The following CCDC3 variants were observed in gnomAD, a reference collection of about 807,000 sequenced individuals.
CCDC3 encodes coiled-coil domain-containing protein 3.
In CCDC3, 24 loss-of-function variants were observed where a neutral mutation model predicts 21.4. The observed-to-expected ratio is 1.12, with a 90% CI of 0.81 to 1.58. The LOEUF (loss-of-function observed/expected upper bound fraction) is 1.58. CCDC3 is among the 40% of genes most tolerant of loss of function. The pLI is 0.00. For synonymous variants in CCDC3, 186 were observed against 166.0 expected, an observed-to-expected ratio of 1.12 and a Z score of -0.93; for missense variants, 425 against 360.9, an observed-to-expected ratio of 1.18 and a Z score of -1.44.
chr10:13,010,513 C>T lies in CCDC3; in HGVS notation c.-1-12001G>A, dbSNP rs191865274. Among the ~76,000 whole-genome samples the T allele has an allele frequency of 6.6e-5, 10 of 152,326 alleles. No individual in the cohort carries two copies. In the East Asian group the frequency reaches 1.9e-3, roughly 29 times the overall value. ...ATGAAGGAACTGGAACTCTCATGTA[C>T]TGCTGGTGGAAATGTAAATGGTAAA... On this transcript the variant is annotated intron_variant, in intron 5 of 6. Coordinates refer to the CCDC3 transcript ENST00000378839.
chr10:13,093,063 A>C (rs1183260516), intron 3 of CCDC3, among the ~76,000 whole-genome samples: 1 of 142,770 alleles, frequency 7.0e-6, no homozygotes, highest in Non-Finnish European at 1.5e-5. Context: ...CAAAGGAGTT[A>C]CTGACTTTTC....
At chr10:13,037,753 C>T (rs1009841013) in intron 5 of CCDC3, among the ~76,000 whole-genome samples, 15 of 152,158 alleles carry the variant, frequency 9.9e-5, no homozygotes, top group African/African-American at 3.6e-4. Context: ...CCTGAGCTCT[C>T]CCACCAAGGA....
At chr10:12,941,927 C>A (rs2131238925) in intron 2 of CCDC3, among the ~76,000 whole-genome samples, 1 of 152,304 alleles carries the variant, frequency 6.6e-6, no homozygotes, top group African/African-American at 2.4e-5. Context: ...ATGGAGACGG[C>A]CTTGAATCAT....
chr10:13,004,172 G>A (rs370799936), upstream of CCDC3, among the ~76,000 whole-genome samples: 69 of 152,232 alleles, frequency 4.5e-4, 1 homozygote, highest in African/African-American at 1.6e-3. Flanking sequence ...GGATAGTACC[G>A]TATATGTATG....
intron 2 of CCDC3, among the ~76,000 whole-genome samples, chr10:12,924,223 C>CT (rs1435666855): frequency 6.6e-6 from 1 of 152,238 alleles, no homozygotes; most frequent in African/African-American, 2.4e-5. Flanking sequence ...AACTCTGTCT[C>CT]TAAACCACTG....
At chr10:13,042,685 G>A (rs2131419285) in intron 5 of CCDC3, among the ~76,000 whole-genome samples, 1 of 151,582 alleles carries the variant, frequency 6.6e-6, no homozygotes. Context: ...GAGGTGGGCG[G>A]ATCACGAGGT....
chr10:13,002,109 T>G (rs1484357712), upstream of CCDC3, among the ~76,000 whole-genome samples: 1 of 152,202 alleles, frequency 6.6e-6, no homozygotes, highest in East Asian at 1.9e-4. Context: ...TCCCAGAGAT[T>G]AGGAAATTCA....
chr10:12,934,597 A>G (rs558816508), intron 2 of CCDC3, among the ~76,000 whole-genome samples: 1 of 152,266 alleles, frequency 6.6e-6, no homozygotes, highest in Non-Finnish European at 1.5e-5. Flanking sequence ...TTGCAGTTCT[A>G]TCAGTTTTTG....
At chr10:13,052,386 A>G (rs1266229805) in intron 4 of CCDC3, among the ~76,000 whole-genome samples, 1 of 152,100 alleles carries the variant, frequency 6.6e-6, no homozygotes, top group Non-Finnish European at 1.5e-5. Context: ...ATTTAAAAAC[A>G]TCTCCAAGCT....
At chr10:13,025,222 T>C (rs528872840) in intron 5 of CCDC3, among the ~76,000 whole-genome samples, 145 of 152,310 alleles carry the variant, frequency 9.5e-4, no homozygotes, top group African/African-American at 3.3e-3. Context: ...GAGGTTCAAC[T>C]GGAATTGGCG....
chr10:13,086,163 C>T (rs927442222), intron 3 of CCDC3, among the ~76,000 whole-genome samples: 9 of 151,978 alleles, frequency 5.9e-5, no homozygotes, highest in Non-Finnish European at 1.0e-4. Flanking sequence ...GGAAAGATGG[C>T]GCATATGAGA....
At chr10:12,998,884 T>C (rs552282587) in intron 1 of CCDC3, among the ~76,000 whole-genome samples, 1 of 152,294 alleles carries the variant, frequency 6.6e-6, no homozygotes, top group African/African-American at 2.4e-5. Flanking sequence ...CTATTTATCT[T>C]CTGTATGACA....
intron 5 of CCDC3, among the ~76,000 whole-genome samples, chr10:13,029,087 G>C (rs1836264089): frequency 6.6e-6 from 1 of 152,154 alleles, no homozygotes. Flanking sequence ...GAGAGTGACA[G>C]GATGCCAGCC....
chr10:12,986,657 C>T (rs970600530), intron 2 of CCDC3, among the ~76,000 whole-genome samples: 8 of 151,910 alleles, frequency 5.3e-5, no homozygotes, highest in South Asian at 2.1e-4. Flanking sequence ...GCCTGTAGTC[C>T]CAGCTACTCG....
intron 2 of CCDC3, among the ~76,000 whole-genome samples, chr10:12,935,016 GTCC>G (rs1226679817): frequency 6.6e-6 from 1 of 151,666 alleles, no homozygotes; most frequent in East Asian, 1.9e-4. Flanking sequence ...GGCTCAAGCA[GTCC>G]TCCTGAGTAG....
upstream of CCDC3, among the ~76,000 whole-genome samples, chr10:13,003,038 G>C (rs1408581551): frequency 2.0e-5 from 3 of 152,176 alleles, no homozygotes; most frequent in Non-Finnish European, 4.4e-5. Context: ...AGTCACATTA[G>C]GGAGTTAGCA....
intron 2 of CCDC3, among the ~76,000 whole-genome samples, chr10:12,986,873 A>T (rs1377943000): frequency 1.3e-5 from 2 of 152,242 alleles, no homozygotes; most frequent in African/African-American, 4.8e-5. Flanking sequence ...TCCCTGTTTA[A>T]GAGTAATAAC....
intron 3 of CCDC3, among the ~76,000 whole-genome samples, chr10:13,074,729 T>C (rs555886870): frequency 5.3e-5 from 8 of 152,242 alleles, no homozygotes; most frequent in African/African-American, 1.9e-4. Context: ...CTCACATGAG[T>C]TCCCCGTGCC....
intron 2 of CCDC3, among the ~76,000 whole-genome samples, chr10:12,926,381 G>T (rs1454948802): frequency 6.6e-6 from 1 of 152,186 alleles, no homozygotes; most frequent in Non-Finnish European, 1.5e-5. Flanking sequence ...CCTTAGCTAT[G>T]AGGGCCAGAG....
Sources: allele counts gnomAD v4.1 joint callset (sites outside exome capture counted in the v4.1 genomes callset), GRCh38; gene constraint gnomAD v4.1.1; transcripts MANE v1.5; gene names NCBI Gene and HGNC (gene_info 2026-07-23, HGNC 2026-07-21).